SMOC1: variants seen among roughly 807,000 people sequenced by gnomAD.
SMOC1 encodes SPARC related modular calcium binding 1.
In SMOC1, 22 loss-of-function variants were observed where a neutral mutation model predicts 56.3. The observed-to-expected ratio is 0.39, with a 90% CI of 0.28 to 0.56. The LOEUF is 0.56. SMOC1 is among the 20% of genes least tolerant of loss of function. The pLI is 0.61. For synonymous variants in SMOC1, 193 were observed against 215.0 expected (o/e 0.90, Z 0.89); for missense variants, 509 against 565.4 (o/e 0.90, Z 1.01).
intron 10 of SMOC1, among the ~76,000 whole-genome samples, chr14:70,017,553 C>A (rs1209275404): frequency 6.6e-6 from 1 of 152,154 alleles, no homozygotes; most frequent in African/African-American, 2.4e-5. Context: ...CAGCTGGGGC[C>A]AGGGAAACAG....
intron 1 of SMOC1, among the ~76,000 whole-genome samples, chr14:69,894,109 T>C (rs1233015355): frequency 6.6e-6 from 1 of 152,214 alleles, no homozygotes; most frequent in Non-Finnish European, 1.5e-5. Context: ...TATTTTGTTA[T>C]GGCAGCCCTA....
intron 5 of SMOC1, among the ~76,000 whole-genome samples, chr14:69,983,367 G>A (rs78220308): frequency 0.032 from 4,930 of 152,276 alleles, 161 homozygotes; most frequent in African/African-American, 0.076. Flanking sequence ...GCTTGTTATC[G>A]TCACTAAGGA....
rs542780834 is a variant in SMOC1, at chr14:69,951,285, C to G, written c.100-853C>G. 2.0e-5 allele frequency among the ~76,000 whole-genome samples: 3 copies of G among 152,238 alleles called. No individual in the cohort carries two copies. In the East Asian group the frequency reaches 5.8e-4, roughly 29 times the overall value. ...CTCCCATAGTATTTTCTTGGTCAAG[C>G]AAGTTTCTGAGGCCAGTCCAGATTC... On this transcript the variant is annotated intron_variant, in intron 1 of 11. Transcript: ENST00000361956.
chr14:69,960,321 C>A (rs1340673701), intron 3 of SMOC1, among the ~76,000 whole-genome samples: 1 of 152,148 alleles, frequency 6.6e-6, no homozygotes, highest in South Asian at 2.1e-4. Flanking sequence ...AGTACTGAGA[C>A]CTGGGGTGCA....
chr14:69,951,864 GGTT>G (rs1883007338), intron 1 of SMOC1, among the ~76,000 whole-genome samples: 1 of 152,208 alleles, frequency 6.6e-6, no homozygotes, highest in South Asian at 2.1e-4. Flanking sequence ...TATTTCATAG[GGTT>G]GTTGTGAGGA....
intron 5 of SMOC1, among the ~76,000 whole-genome samples, chr14:69,981,680 A>C (rs937229611): frequency 1.3e-5 from 2 of 152,206 alleles, no homozygotes; most frequent in African/African-American, 2.4e-5. Flanking sequence ...GAAGAAGTAG[A>C]GATAGAGGTA....
At chr14:70,002,812 C>T (rs1214322935) in intron 7 of SMOC1, among the ~76,000 whole-genome samples, 1 of 152,204 alleles carries the variant, frequency 6.6e-6, no homozygotes, top group Non-Finnish European at 1.5e-5. Context: ...CCCCCTGTGG[C>T]TAAATAAACA....
intron 5 of SMOC1, among the ~76,000 whole-genome samples, chr14:69,980,116 C>A (rs527828519): frequency 1.3e-5 from 2 of 152,084 alleles, no homozygotes; most frequent in Non-Finnish European, 2.9e-5. Flanking sequence ...AGTGAGCACC[C>A]TTTGTTCCCT....
At position 70,010,982 on chromosome 14, in the gene SMOC1, C is replaced by T. The variant is rs781272129; in HGVS notation, c.857+36C>T. ...CAGACTGGGTCCTGGGAAAAACGCACCTGCTGGCTGTTATCCATGCTGGCA... is the reference window on the plus strand; with the variant it reads ...CAGACTGGGTCCTGGGAAAAACGCATCTGCTGGCTGTTATCCATGCTGGCA... On this transcript the variant is annotated intron_variant, in intron 8 of 11. Coordinates refer to ENST00000361956, the MANE Select transcript of SMOC1 (RefSeq NM_001034852.3). 2.5e-5 allele frequency: 40 copies of T among 1,609,306 alleles called. No individual in the cohort carries two copies. In the Admixed American group the frequency reaches 3.0e-4, roughly 12 times the overall value.
rs1336438423 is a variant in SMOC1, at chr14:70,031,012, C to T, written c.*754C>T. 6.6e-6 allele frequency: 1 copy of T among 152,156 alleles called. No homozygotes were observed. Among genetic ancestry groups the T allele is most frequent in the East Asian group, 1.9e-4 (1 of 5,190 alleles). The allele number at this position is 152,156 out of a possible 1,614,324, so 9.4% of individuals were successfully genotyped here. A position where few individuals can be genotyped will look rare whatever the true frequency, so the allele number is the denominator to read the frequency against. On this transcript the variant is annotated 3_prime_UTR_variant, in exon 12 of 12. Transcript: ENST00000361956. Reference sequence around the variant, plus strand: ...CTCTCAGAGGGTCCGTGCATTCCTGCTCTCCGGACCCCCAAAGGGCCCAGC... The same window carrying T: ...CTCTCAGAGGGTCCGTGCATTCCTGTTCTCCGGACCCCCAAAGGGCCCAGC...
chr14:69,936,608 C>T (rs546394998), intron 1 of SMOC1, among the ~76,000 whole-genome samples: 5 of 152,366 alleles, frequency 3.3e-5, no homozygotes, highest in South Asian at 2.1e-4. Flanking sequence ...GGGCCATTGC[C>T]GGCCAGCGTT....
At chr14:69,920,084 T>C (rs940767902) in intron 1 of SMOC1, among the ~76,000 whole-genome samples, 6 of 152,162 alleles carry the variant, frequency 3.9e-5, no homozygotes, top group Non-Finnish European at 7.4e-5. Flanking sequence ...TAAAGGGATG[T>C]CTTCAGAGCA....
chr14:69,992,832 A>C (rs750762950), intron 6 of SMOC1, among the ~76,000 whole-genome samples: 5 of 152,106 alleles, frequency 3.3e-5, no homozygotes, highest in Non-Finnish European at 5.9e-5. Flanking sequence ...GGCACTTGCA[A>C]GTGTCCACTC....
chr14:69,922,080 T>C (rs897175875), intron 1 of SMOC1, among the ~76,000 whole-genome samples: 2 of 152,228 alleles, frequency 1.3e-5, no homozygotes, highest in African/African-American at 4.8e-5. Context: ...ATTAGCTCAC[T>C]GAAGAGGCAG....
chr14:70,000,655 T>C (rs570036165), intron 7 of SMOC1, among the ~76,000 whole-genome samples: 1 of 152,292 alleles, frequency 6.6e-6, no homozygotes, highest in Admixed American at 6.5e-5. Context: ...GGAAGAAATA[T>C]CCTCTGTAGA....
At chr14:69,963,874 G>T (rs1238388461) in intron 3 of SMOC1, among the ~76,000 whole-genome samples, 2 of 152,170 alleles carry the variant, frequency 1.3e-5, no homozygotes, top group Non-Finnish European at 2.9e-5. Flanking sequence ...TGCATGTGTT[G>T]GGAGCCTCTA....
Position 70,010,767 on chromosome 14 carries a change from G to T in SMOC1, c.678G>T (p.Ser226=). The change falls in exon 8 of 12, where the codon TCG becomes TCT. Residue 226 remains serine (S), a synonymous_variant. Transcript: ENST00000361956. ...TNIRNSEKVY[S]CDQERQSALE... ...CTTCTCTTGCAGAGAAAGTCTATTC[G>T]TGTGACCAGGAGAGGCAGAGTGCCC... is the stretch of plus-strand genomic sequence containing the variant. The T allele has an allele frequency of 6.2e-7, 1 of 1,614,200 alleles. No individual in the cohort carries two copies. The highest frequency in any genetic ancestry group is 8.5e-7 in the Non-Finnish European group (1 of 1,180,032).
At chr14:69,964,380 CTTT>C (rs57468516) in intron 3 of SMOC1, among the ~76,000 whole-genome samples, 3 of 139,124 alleles carry the variant, frequency 2.2e-5, no homozygotes. Flanking sequence ...CTCTGGTATT[CTTT>C]TTTTTTTTTT....
chr14:69,948,541 A>G (rs1367602420), intron 1 of SMOC1, among the ~76,000 whole-genome samples: 1 of 151,978 alleles, frequency 6.6e-6, no homozygotes, highest in Non-Finnish European at 1.5e-5. Context: ...AGAGCAATCC[A>G]TTTTCAAACC....
Sources: allele counts gnomAD v4.1 joint callset (sites outside exome capture counted in the v4.1 genomes callset), GRCh38; gene constraint gnomAD v4.1.1; transcripts MANE v1.5; gene names NCBI Gene and HGNC (gene_info 2026-07-23, HGNC 2026-07-21).